PSEN2: variants seen among roughly 807,000 people sequenced by gnomAD.
PSEN2 encodes presenilin 2.
A neutral mutation model predicts 49.1 loss-of-function variants in PSEN2; 32 were observed. The ratio of observed to expected loss-of-function variants is 0.65; its 90% CI spans 0.49 to 0.88. PSEN2 has a LOEUF of 0.88. Among genes scored for constraint, PSEN2 ranks in the 40% least tolerant of loss-of-function variants. PSEN2 has a pLI of 0.00. For synonymous variants in PSEN2, 255 were observed against 244.0 expected (o/e 1.05, Z -0.42); for missense variants, 522 against 586.9 (o/e 0.89, Z 1.14).
chr1:226,888,053 TG>T (rs1661484575), intron 6 of PSEN2, 37 bp from the exon 7 acceptor site: 1 of 1,565,006 alleles, frequency 6.4e-7, no homozygotes, highest in South Asian at 1.1e-5. Flanking sequence ...TTGTGGCGCT[TG>T]GGGACACCTT....
In PSEN2 at chr1:226,891,743, A is replaced by G. The variant is rs1227564684; in HGVS notation, c.971A>G (p.Glu324Gly). The G allele has an allele frequency of 6.2e-7, 1 of 1,613,626 alleles. No individual in the cohort carries two copies. Among genetic ancestry groups the G allele is most frequent in the African/African-American group, 1.3e-5 (1 of 75,024 alleles). The change falls in exon 11 of 13, where the codon GAA (glutamate) becomes GGA (glycine). Residue 324 changes from glutamate (E) to glycine (G), a missense_variant and splice_region_variant. By Grantham distance (98) the Glu-to-Gly change is moderately conservative. Transcript: ENST00000366783. ...ALQLPYDPEM[E>G]EDSYDSFGEP... Reference sequence around the variant, plus strand: ...ACATCTTCTCTTCCTGGACACCCAGAAGAAGACTCCTATGACAGTTTTGGG... The same window carrying G: ...ACATCTTCTCTTCCTGGACACCCAGGAGAAGACTCCTATGACAGTTTTGGG...
intron 4 of PSEN2, 143 bp from the exon 5 acceptor site, chr1:226,883,562 A>G (rs1414805004): frequency 1.4e-5 from 11 of 766,586 alleles, no homozygotes; most frequent in Non-Finnish European, 2.0e-5. Context: ...AACTTTTCAT[A>G]TGCCCTAGTA....
chr1:226,890,019 GTC>G lies in PSEN2; in HGVS notation c.788-12_788-11del, dbSNP rs778373938. On this transcript the variant is annotated splice_polypyrimidine_tract_variant and intron_variant, in intron 8 of 12. Transcript: ENST00000366783. Reference sequence around the variant, plus strand: ...TGCCCGGGGATAGTTTGACAAGGATGTCTCTGTCTTCCTAGATCTCGTGGCTG... The same window carrying G: ...TGCCCGGGGATAGTTTGACAAGGATGTCTGTCTTCCTAGATCTCGTGGCTG... 6.2e-7 allele frequency: 1 copy of G among 1,601,822 alleles called. No individual in the cohort carries two copies. The highest frequency in any genetic ancestry group is 1.1e-5 in the South Asian group (1 of 90,822).
At chr1:226,891,672 G>A (rs757236307) in intron 10 of PSEN2, 71 bp from the exon 11 acceptor site, 13 of 1,343,596 alleles carry the variant, frequency 9.7e-6, no homozygotes, top group Non-Finnish European at 1.4e-5. Flanking sequence ...ACTCTGACCA[G>A]CTGTTGTTTC....
chr1:226,878,349 G>A (rs529839710), intron 3 of PSEN2, among the ~76,000 whole-genome samples: 7 of 152,110 alleles, frequency 4.6e-5, no homozygotes, highest in Non-Finnish European at 8.8e-5. Context: ...CATGAGCACC[G>A]CACCCAGCCC....
intron 12 of PSEN2, among the ~76,000 whole-genome samples, chr1:226,894,630 T>C (rs1177226530): frequency 6.6e-6 from 1 of 152,184 alleles, no homozygotes; most frequent in African/African-American, 2.4e-5. Flanking sequence ...GGAGGCCCTG[T>C]AGTCAGTTAA....
At chr1:226,883,179 A>G (rs1387696072) in intron 4 of PSEN2, among the ~76,000 whole-genome samples, 1 of 152,202 alleles carries the variant, frequency 6.6e-6, no homozygotes, top group Non-Finnish European at 1.5e-5. Context: ...TCTCTAGTTC[A>G]GAGCTACAAA....
chr1:226,883,514 T>A (rs1661129066), intron 4 of PSEN2, among the ~76,000 whole-genome samples, 191 bp from the exon 5 acceptor site: 1 of 152,228 alleles, frequency 6.6e-6, no homozygotes. Context: ...TTTATGGTGC[T>A]TCATCCAGCT....
At chr1:226,879,985 G>A (rs376477022) in intron 3 of PSEN2, among the ~76,000 whole-genome samples, 8 of 152,196 alleles carry the variant, frequency 5.3e-5, no homozygotes, top group African/African-American at 1.4e-4. Context: ...GGCCATAGCC[G>A]GGGTTGCTGT....
intron 4 of PSEN2, 117 bp downstream of exon 4, chr1:226,882,165 G>C (rs924101319): frequency 2.8e-6 from 4 of 1,413,192 alleles, no homozygotes; most frequent in Non-Finnish European, 3.8e-6. Flanking sequence ...GTAATGATGA[G>C]GATTGGCCGA....
chr1:226,895,431 G>T lies in PSEN2; in HGVS notation c.1199G>T (p.Cys400Phe), dbSNP rs1662076442. 7 of 1,613,956 alleles carry T rather than the reference G, an allele frequency of 4.3e-6. No homozygotes were observed. Among genetic ancestry groups the T allele is most frequent in the Non-Finnish European group, 5.9e-6 (7 of 1,180,018 alleles). ...ACFVAILIGLCLTLLLLAVFK... is the reference protein window; with the variant it reads ...ACFVAILIGLFLTLLLLAVFK... ...CCCCTCCATGTCCTGCAGGGCTTGT[G>T]TCTGACCCTCCTGCTGCTTGCTGTG... The change falls in exon 13 of 13, where the codon TGT becomes TTT. Residue 400 changes from cysteine (C) to phenylalanine (F), a missense_variant. Transcript: ENST00000366783.
chr1:226,885,413 A>G, intron 5 of PSEN2, 125 bp from the exon 6 acceptor site: 1 of 1,074,194 alleles, frequency 9.3e-7, no homozygotes, highest in Non-Finnish European at 1.3e-6. Context: ...GCACTCCATC[A>G]GGGCAGCATG....
chr1:226,891,389 C>G (rs764596194), intron 10 of PSEN2, 28 bp downstream of exon 10: 2 of 1,585,752 alleles, frequency 1.3e-6, no homozygotes, highest in Non-Finnish European at 8.6e-7. Context: ...CTAACAGCCT[C>G]TCATCACTGG....
chr1:226,889,359 C>T (rs1661586973), intron 8 of PSEN2, among the ~76,000 whole-genome samples: 1 of 152,146 alleles, frequency 6.6e-6, no homozygotes, highest in Non-Finnish European at 1.5e-5. Context: ...TGACTGCAAC[C>T]TCCGCCTCCC....
chr1:226,892,664 G>C (rs986239335), intron 11 of PSEN2, among the ~76,000 whole-genome samples: 2 of 152,142 alleles, frequency 1.3e-5, no homozygotes, highest in Admixed American at 1.3e-4. Context: ...GGAGGAGCAG[G>C]TGCGCACCCT....
Position 226,891,807 on chromosome 1 carries a change from T to C in PSEN2, c.1035T>C (p.Thr345=), listed in dbSNP as rs1661773995. Residue 345 remains threonine (T), a synonymous_variant, in exon 11 of 13, where the codon ACT becomes ACC. Transcript: ENST00000366783. ...SYPEVFEPPL[T]GYPGEELEEE... The stretch of plus-strand genomic sequence containing the variant: ...CCGAAGTCTTTGAGCCTCCCTTGAC[T>C]GGCTACCCAGGGGAGGAGCTGGAGG... 1.2e-6 allele frequency: 2 copies of C among 1,614,150 alleles called. No individual in the cohort carries two copies. Among genetic ancestry groups the C allele is most frequent in the African/African-American group, 2.7e-5 (2 of 75,050 alleles).
chr1:226,901,762 A>G lies in PSEN2; in HGVS notation c.1192-6760A>G, dbSNP rs114783117. Among the ~76,000 whole-genome samples, 426 of 152,324 alleles carry G rather than the reference A, an allele frequency of 2.8e-3. 3 individuals carry two copies. The highest frequency in any genetic ancestry group is 9.9e-3 in the African/African-American group (411 of 41,566). On this transcript the variant is annotated intron_variant, in intron 12 of 14. Transcript: ENST00000676945. Reference sequence around the variant, plus strand: ...AGATTTCCCTATGAGAATGACTTTTAAAATGACCAAAAAGGGGAAGATAAC... The same window carrying G: ...AGATTTCCCTATGAGAATGACTTTTGAAATGACCAAAAAGGGGAAGATAAC...
At chr1:226,874,299 G>T (rs1660488874) in intron 2 of PSEN2, among the ~76,000 whole-genome samples, 1 of 152,182 alleles carries the variant, frequency 6.6e-6, no homozygotes, top group Non-Finnish European at 1.5e-5. Context: ...TTGATGGGCA[G>T]TTTGGAGACT....
Position 226,894,156 on chromosome 1 carries a change from C to T in PSEN2, c.1191+31C>T, listed in dbSNP as rs753608837. 1.6e-5 allele frequency: 26 copies of T among 1,578,364 alleles called. No homozygotes were observed. In the East Asian group the frequency reaches 3.4e-4, roughly 20 times the overall value. ...TGGCTGGGGATGCGTCCAGCTGCCT[C>T]GTGGTGGGGGCCCCCAGGGTCCTCA... is the stretch of plus-strand genomic sequence containing the variant. On this transcript the variant is annotated intron_variant, in intron 12 of 12. Transcript: ENST00000366783.
Sources: allele counts gnomAD v4.1 joint callset (sites outside exome capture counted in the v4.1 genomes callset), GRCh38; gene constraint gnomAD v4.1.1; transcripts MANE v1.5; gene names NCBI Gene and HGNC (gene_info 2026-07-23, HGNC 2026-07-21).